C10orf67: variants seen among roughly 807,000 people sequenced by gnomAD.
C10orf67 encodes the protein uncharacterized protein C10orf67, mitochondrial.
Under a neutral mutation model 35.6 loss-of-function variants are expected in C10orf67, and 60 were observed. The ratio of observed to expected loss-of-function variants is 1.68; its 90% confidence interval spans 1.37 to 2.09. C10orf67 has a LOEUF of 2.09. C10orf67 is among the 30% of genes most tolerant of loss of function. C10orf67 has a pLI of 0.00. For missense variants in C10orf67, 474 were observed against 330.2 expected (o/e 1.44, Z -3.38); for synonymous variants, 167 against 115.8 (o/e 1.44, Z -2.84).
intron 10 of C10orf67, among the ~76,000 whole-genome samples, chr10:23,253,363 G>T (rs1842512112): frequency 6.6e-6 from 1 of 152,164 alleles, no homozygotes; most frequent in African/African-American, 2.4e-5. Flanking sequence ...CCACCTATTT[G>T]TTCTCAAAGG....
intron 8 of C10orf67, among the ~76,000 whole-genome samples, chr10:23,268,373 A>C (rs1221256613): frequency 6.6e-6 from 1 of 152,230 alleles, no homozygotes; most frequent in African/African-American, 2.4e-5. Context: ...TGTTTCCATA[A>C]TATTAAGATT....
intron 8 of C10orf67, among the ~76,000 whole-genome samples, chr10:23,277,149 G>A (rs888115255): frequency 6.6e-6 from 1 of 152,276 alleles, no homozygotes; most frequent in African/African-American, 2.4e-5. Context: ...GGTCTCACAA[G>A]TGGACACTGG....
chr10:23,236,729 T>C (rs900195031), intron 13 of C10orf67, among the ~76,000 whole-genome samples: 1 of 151,858 alleles, frequency 6.6e-6, no homozygotes, highest in African/African-American at 2.4e-5. Flanking sequence ...ATACAAAAAT[T>C]AGCCAGGCTT....
chr10:23,271,258 C>G (rs1289679244), intron 8 of C10orf67, among the ~76,000 whole-genome samples: 1 of 152,162 alleles, frequency 6.6e-6, no homozygotes, highest in Non-Finnish European at 1.5e-5. Flanking sequence ...TACTGGAGCA[C>G]CCAGATTCAA....
intron 10 of C10orf67, 135 bp from the exon 11 acceptor site, chr10:23,250,826 G>A (rs1366044386): frequency 1.0e-5 from 4 of 391,910 alleles, no homozygotes; most frequent in Admixed American, 4.4e-5. Flanking sequence ...GGCGGGGCAC[G>A]GTGACTCACG....
chr10:23,232,786 A>C (rs1841946091), intron 13 of C10orf67, among the ~76,000 whole-genome samples: 1 of 152,220 alleles, frequency 6.6e-6, no homozygotes, highest in African/African-American at 2.4e-5. Context: ...GGAGGACAGA[A>C]AAATAGGTAT....
intron 13 of C10orf67, among the ~76,000 whole-genome samples, chr10:23,237,544 C>T (rs1245639754): frequency 6.6e-6 from 1 of 151,968 alleles, no homozygotes; most frequent in Non-Finnish European, 1.5e-5. Context: ...GATGGATAAA[C>T]AAATTATGGT....
chr10:23,303,352 T>C lies in C10orf67; in HGVS notation c.654A>G (p.Glu218=). ...KLKEKEEVIK[E]LKEELDQYKD... ...TATATTGGTCTAGTTCTTCTTTTAATTCTTTAATAACTTCTTCTTTCTCTT... is the reference window on the plus strand; with the variant it reads ...TATATTGGTCTAGTTCTTCTTTTAACTCTTTAATAACTTCTTCTTTCTCTT... The change falls in exon 5 of 16, where the codon GAA becomes GAG. Residue 218 remains glutamate (E), a synonymous_variant. Coordinates refer to ENST00000636213, the MANE Select transcript of C10orf67 (RefSeq NM_001371909.1). 1.6e-6 allele frequency: 1 copy of C among 639,226 alleles called. No homozygotes were observed. The highest frequency in any genetic ancestry group is 2.8e-6 in the Non-Finnish European group (1 of 353,576). The allele number at this position is 639,226 out of a possible 1,614,324, so 39.6% of individuals were successfully genotyped here.
intron 10 of C10orf67, among the ~76,000 whole-genome samples, chr10:23,261,295 T>C (rs1034513515): frequency 6.6e-6 from 1 of 152,060 alleles, no homozygotes; most frequent in Non-Finnish European, 1.5e-5. Context: ...CTGGAGGAGA[T>C]CCTCAAACTG....
chr10:23,312,014 A>G (rs1844520865), intron 4 of C10orf67, among the ~76,000 whole-genome samples: 1 of 152,214 alleles, frequency 6.6e-6, no homozygotes, highest in Admixed American at 6.5e-5. Context: ...GGTTTTTATA[A>G]TAGAGATATT....
At chr10:23,252,307 T>C (rs962882227) in intron 10 of C10orf67, among the ~76,000 whole-genome samples, 1 of 152,220 alleles carries the variant, frequency 6.6e-6, no homozygotes, top group Non-Finnish European at 1.5e-5. Context: ...TGTTCTTTGG[T>C]TCAGACTGTT....
At chr10:23,283,693 A>T (rs1020852619) in intron 7 of C10orf67, among the ~76,000 whole-genome samples, 1 of 152,072 alleles carries the variant, frequency 6.6e-6, no homozygotes, top group African/African-American at 2.4e-5. Context: ...TTTGCGTGGT[A>T]CTTAGAATAC....
rs375495060 is a variant in C10orf67, at chr10:23,250,020, G to C, written c.1346+435C>G. 1.9e-4 allele frequency among the ~76,000 whole-genome samples: 29 copies of C among 152,340 alleles called. No individual in the cohort carries two copies. The South Asian group carries it at 4.6e-3, about 24-fold the overall frequency. Reference sequence around the variant, plus strand: ...GAAGAGAAACAAAATGCTTATGTGAGTGAAAAATAGATTTGAGAGGTTGAG... The same window carrying C: ...GAAGAGAAACAAAATGCTTATGTGACTGAAAAATAGATTTGAGAGGTTGAG... On this transcript the variant is annotated intron_variant, in intron 12 of 15. Transcript: ENST00000636213.
Position 23,209,588 on chromosome 10 carries a change from C to T in C10orf67, c.1571-5333G>A, listed in dbSNP as rs191250798. Among the ~76,000 whole-genome samples the T allele has an allele frequency of 3.9e-5, 6 of 152,080 alleles. No individual in the cohort carries two copies. In the East Asian group the frequency reaches 5.8e-4, roughly 15 times the overall value. On this transcript the variant is annotated intron_variant, in intron 15 of 15. Coordinates refer to ENST00000636213, the MANE Select transcript of C10orf67 (RefSeq NM_001371909.1). ...AGGAGAAGGATGAAAGAAGAAGAGA[C>T]GGAGAGGAAGAAAATGGTGAAATGA...
chr10:23,338,360 C>T (rs1195207791), intron 1 of C10orf67, among the ~76,000 whole-genome samples: 1 of 152,106 alleles, frequency 6.6e-6, no homozygotes, highest in Admixed American at 6.5e-5. Flanking sequence ...TAGTCAACAG[C>T]AGAGATCAAT....
intron 8 of C10orf67, among the ~76,000 whole-genome samples, chr10:23,277,076 T>A (rs1041256439): frequency 2.0e-5 from 3 of 152,278 alleles, no homozygotes; most frequent in South Asian, 4.1e-4. Context: ...TTAGGGGTTC[T>A]GTGAGGCCTA....
At chr10:23,282,739 G>C (rs755099898) in intron 7 of C10orf67, among the ~76,000 whole-genome samples, 9 of 152,214 alleles carry the variant, frequency 5.9e-5, no homozygotes, top group Non-Finnish European at 7.3e-5. Flanking sequence ...GCTGAAGCAG[G>C]AGGATTGCTT....
intron 13 of C10orf67, among the ~76,000 whole-genome samples, chr10:23,224,599 G>C (rs1211213137): frequency 6.6e-6 from 1 of 152,158 alleles, no homozygotes; most frequent in African/African-American, 2.4e-5. Flanking sequence ...GAGGAAGTTA[G>C]AACCCATCGC....
intron 10 of C10orf67, among the ~76,000 whole-genome samples, chr10:23,251,600 C>T (rs537920474): frequency 6.6e-6 from 1 of 152,286 alleles, no homozygotes; most frequent in South Asian, 2.1e-4. Context: ...ACTAAAGAGG[C>T]AATCAGGTCT....
Sources: gnomAD v4.1 joint callset for allele counts (sites outside exome capture counted in the v4.1 genomes callset) on GRCh38, gnomAD v4.1.1 for gene constraint, MANE v1.5 for transcripts, NCBI Gene and HGNC (gene_info 2026-07-23, HGNC 2026-07-21) for gene names.